The following FMNL2 variants were observed in gnomAD, a reference collection of about 807,000 sequenced individuals.
FMNL2 encodes formin like 2.
Under a neutral mutation model 130.2 loss-of-function variants are expected in FMNL2, and 51 were observed. The observed-to-expected ratio is 0.39, with a 90% CI of 0.31 to 0.49. The LOEUF (loss-of-function observed/expected upper bound fraction) is 0.49, where lower values mean the gene tolerates loss of function less well. FMNL2 is among the 20% of genes least tolerant of loss of function. The probability of loss-of-function intolerance (pLI) is 0.85; values close to 1 mark genes in which losing one functional copy is unlikely to be tolerated. For synonymous variants in FMNL2, 465 were observed against 467.1 expected, an observed-to-expected ratio of 1.00 and a Z score of 0.06; for missense variants, 977 against 1,316.2, an observed-to-expected ratio of 0.74 and a Z score of 3.99.
At chr2:152,430,094 A>G (rs1687419377) in intron 1 of FMNL2, among the ~76,000 whole-genome samples, 1 of 152,234 alleles carries the variant, frequency 6.6e-6, no homozygotes, top group Non-Finnish European at 1.5e-5. Flanking sequence ...GTGGCAGCAG[A>G]TGTGTGCTTT....
At chr2:152,502,114 G>A (rs1054757138) in intron 1 of FMNL2, among the ~76,000 whole-genome samples, 2 of 152,156 alleles carry the variant, frequency 1.3e-5, no homozygotes, top group African/African-American at 4.8e-5. Flanking sequence ...AAACACTTGG[G>A]TTATTTTGGG....
intron 1 of FMNL2, among the ~76,000 whole-genome samples, chr2:152,392,591 T>G (rs6707033): frequency 0.94 from 143,574 of 152,254 alleles, 67,909 homozygotes; most frequent in East Asian, 1. Context: ...AAGGCATAAG[T>G]GCAAGTCATC....
intron 2 of FMNL2, among the ~76,000 whole-genome samples, chr2:152,530,297 A>G (rs530407611): frequency 6.6e-6 from 1 of 152,182 alleles, no homozygotes; most frequent in Non-Finnish European, 1.5e-5. Flanking sequence ...TGTCATTTTA[A>G]CATTTGACTA....
chr2:152,408,815 A>G (rs1443286434), intron 1 of FMNL2, among the ~76,000 whole-genome samples: 1 of 152,234 alleles, frequency 6.6e-6, no homozygotes, highest in Non-Finnish European at 1.5e-5. Context: ...TTGAAAAAAC[A>G]GAATGGTCGT....
At chr2:152,423,130 A>G (rs1390136206) in intron 1 of FMNL2, among the ~76,000 whole-genome samples, 4 of 152,234 alleles carry the variant, frequency 2.6e-5, no homozygotes, top group African/African-American at 4.8e-5. Context: ...TAATAATCAC[A>G]TAATGTAAAA....
chr2:152,537,433 C>T (rs2577180), intron 2 of FMNL2, among the ~76,000 whole-genome samples: 113,273 of 151,846 alleles, frequency 0.75, 42,619 homozygotes, highest in Non-Finnish European at 0.81. Flanking sequence ...AATGAGGAAA[C>T]GTATGGTTAT....
intron 1 of FMNL2, among the ~76,000 whole-genome samples, chr2:152,474,687 A>G (rs1690048853): frequency 6.6e-6 from 1 of 152,132 alleles, no homozygotes; most frequent in Admixed American, 6.6e-5. Context: ...CTCTGTCTAA[A>G]AAAAAAACAA....
chr2:152,379,969 T>C (rs991494692), intron 1 of FMNL2, among the ~76,000 whole-genome samples: 2 of 152,204 alleles, frequency 1.3e-5, no homozygotes, highest in Non-Finnish European at 2.9e-5. Flanking sequence ...ACATATAAAC[T>C]AGAAATAGAT....
chr2:152,503,035 C>CT (rs1691937066), intron 1 of FMNL2, among the ~76,000 whole-genome samples: 3 of 152,160 alleles, frequency 2.0e-5, no homozygotes, highest in Admixed American at 2.0e-4. Context: ...GCATGGCACT[C>CT]TCTGCAGTCT....
intron 4 of FMNL2, among the ~76,000 whole-genome samples, chr2:152,555,065 G>C (rs563946449): frequency 6.6e-6 from 1 of 152,168 alleles, no homozygotes; most frequent in African/African-American, 2.4e-5. Flanking sequence ...CTGAGTGCAC[G>C]GAGTGACAAA....
Position 152,496,709 on chromosome 2 carries a change from T to C in FMNL2, c.118-25234T>C, listed in dbSNP as rs56370315. ...CTCTTATTATTTATTCAGTTATTTA[T>C]ATCTGTATGGATTCATGGATATTTG... On this transcript the variant is annotated intron_variant, in intron 1 of 25. Coordinates refer to ENST00000288670, the MANE Select transcript of FMNL2 (RefSeq NM_052905.4). Among the ~76,000 whole-genome samples the C allele has an allele frequency of 4.0e-3, 609 of 152,338 alleles. 5 individuals are homozygous for C. Among genetic ancestry groups the C allele is most frequent in the African/African-American group, 0.014 (583 of 41,562 alleles).
At position 152,383,372 on chromosome 2, in the gene FMNL2, CT is replaced by C. The variant is rs1162522108; in HGVS notation, c.117+47658del. On this transcript the variant is annotated intron_variant, in intron 1 of 25. Coordinates refer to ENST00000288670, the MANE Select transcript of FMNL2 (RefSeq NM_052905.4). ...CCTTTTATAAGATAAATTTAGTTTTCTTTTTTGGAGTTTAATTGTTTATTGT... is the reference window on the plus strand; with the variant it reads ...CCTTTTATAAGATAAATTTAGTTTTCTTTTTGGAGTTTAATTGTTTATTGT... Among the ~76,000 whole-genome samples, 33 of 105,766 alleles carry C rather than the reference CT, an allele frequency of 3.1e-4. No homozygotes were observed. The Admixed American group carries it at 3.9e-3, about 12-fold the overall frequency. The allele number at this position is 105,766 out of a possible 152,430, so 69.4% of individuals were successfully genotyped here.
At chr2:152,551,545 T>G (rs1694935776) in intron 4 of FMNL2, among the ~76,000 whole-genome samples, 1 of 152,226 alleles carries the variant, frequency 6.6e-6, no homozygotes, top group Admixed American at 6.5e-5. Flanking sequence ...AACCCAAACC[T>G]GAACTCACTC....
intron 1 of FMNL2, among the ~76,000 whole-genome samples, chr2:152,440,827 T>C (rs915265180): frequency 1.3e-5 from 2 of 152,250 alleles, no homozygotes; most frequent in African/African-American, 4.8e-5. Context: ...TTTGTGGGAA[T>C]GATGAAAACA....
At chr2:152,491,004 T>C (rs1691154833) in intron 1 of FMNL2, among the ~76,000 whole-genome samples, 1 of 152,208 alleles carries the variant, frequency 6.6e-6, no homozygotes, top group African/African-American at 2.4e-5. Context: ...CTCTGTGTCC[T>C]ACTCCCTCGC....
chr2:152,455,516 A>T (rs933848983), intron 1 of FMNL2, among the ~76,000 whole-genome samples: 2 of 152,172 alleles, frequency 1.3e-5, no homozygotes, highest in Admixed American at 6.5e-5. Context: ...AGCAACATTT[A>T]GATATGGGGG....
intron 1 of FMNL2, among the ~76,000 whole-genome samples, chr2:152,376,741 G>A (rs1184758311): frequency 1.3e-5 from 2 of 152,320 alleles, no homozygotes; most frequent in South Asian, 4.1e-4. Context: ...AGGCAGCCCT[G>A]CTTTTTAGGG....
intron 1 of FMNL2, among the ~76,000 whole-genome samples, 165 bp downstream of exon 1, chr2:152,335,885 C>A (rs930187944): frequency 2.6e-5 from 4 of 151,628 alleles, no homozygotes; most frequent in Non-Finnish European, 5.9e-5. Flanking sequence ...CTCTTCACCC[C>A]CCTGGCAGTC....
At chr2:152,472,689 T>G (rs1197322958) in intron 1 of FMNL2, among the ~76,000 whole-genome samples, 1 of 152,202 alleles carries the variant, frequency 6.6e-6, no homozygotes, top group African/African-American at 2.4e-5. Context: ...AAGGGACTGG[T>G]GGACCTGTGT....
Sources: gnomAD v4.1 joint callset for allele counts (sites outside exome capture counted in the v4.1 genomes callset) on GRCh38, gnomAD v4.1.1 for gene constraint, MANE v1.5 for transcripts, NCBI Gene and HGNC (gene_info 2026-07-23, HGNC 2026-07-21) for gene names.